AKAP17A: variants seen among roughly 807,000 people sequenced by gnomAD.
The protein encoded by AKAP17A is A-kinase anchor protein 17A.
Under a neutral mutation model 52.2 loss-of-function variants are expected in AKAP17A, and 15 were observed. The observed-to-expected ratio is 0.29, with a 90% CI of 0.19 to 0.44. The LOEUF is 0.44. AKAP17A is among the 20% of genes least tolerant of loss of function. The pLI is 1.00. For missense variants in AKAP17A, 1,060 were observed against 1,007.0 expected, an observed-to-expected ratio of 1.05 and a Z score of -0.71; for synonymous variants, 514 against 424.7, an observed-to-expected ratio of 1.21 and a Z score of -2.58.
intron 3 of AKAP17A, among the ~76,000 whole-genome samples, chrX:1,597,358 C>T (rs1166830998): frequency 2.6e-5 from 4 of 152,142 alleles, no homozygotes; most frequent in South Asian, 2.1e-4. Context: ...CCATGTCAGC[C>T]GTCAGGATTC....
intron 4 of AKAP17A, chrX:1,600,289 C>A: frequency 9.9e-7 from 1 of 1,008,232 alleles, no homozygotes; most frequent in Non-Finnish European, 1.4e-6. Flanking sequence ...GGCGTCATCT[C>A]AGCTCCCTGT....
At position 1,602,515 on chromosome X, in the gene AKAP17A, C is replaced by G. The variant is rs1476408503; in HGVS notation, c.*921C>G. The G allele has an allele frequency of 6.6e-6, 1 of 152,130 alleles. No homozygotes were observed. Among genetic ancestry groups the G allele is most frequent in the East Asian group, 1.9e-4 (1 of 5,200 alleles). The allele number at this position is 152,130 out of a possible 1,614,324, so 9.4% of individuals were successfully genotyped here. ...TGAAATAAAATCCTTTTCCAATGAA[C>G]TAAAATTTTTCACGCTTACGATTTT... On this transcript the variant is annotated 3_prime_UTR_variant, in exon 5 of 5. Transcript: ENST00000313871.
In AKAP17A at chrX:1,601,717, T is replaced by C; in HGVS notation, c.*123T>C. The C allele has an allele frequency of 1.1e-6, 1 of 923,688 alleles. No individual in the cohort carries two copies. The highest frequency in any genetic ancestry group is 1.5e-6 in the Non-Finnish European group (1 of 685,516). The allele number at this position is 923,688 out of a possible 1,614,324, so 57.2% of individuals were successfully genotyped here. ...GCCAAGACCCTTCTGCAGCCACGAA[T>C]GTCCACGGAGCCCGCCGGCAGGAAG... is the stretch of plus-strand genomic sequence containing the variant. On this transcript the variant is annotated 3_prime_UTR_variant, in exon 5 of 5. Coordinates refer to ENST00000313871, the MANE Select transcript of AKAP17A (RefSeq NM_005088.3).
rs370155757 is a variant in AKAP17A, at chrX:1,601,271, C to T, written c.1765C>T (p.Arg589Trp). ...CCGGGAGCCCAGCAAGGGCCGGGGC[C>T]GGGCCACCGGAGACGGGCTTGCTGA... Reference protein sequence around the residue: ...CNREPSKGRGRATGDGLADRH... With the variant: ...CNREPSKGRGWATGDGLADRH... The change falls in exon 5 of 5, where the codon CGG (arginine) becomes TGG (tryptophan). Residue 589 changes from arginine (R) to tryptophan (W), a missense_variant. Arg to Trp is a moderately radical substitution (Grantham distance 101). Transcript: ENST00000313871. 9.0e-5 allele frequency: 145 copies of T among 1,612,572 alleles called. No individual in the cohort carries two copies. The highest frequency in any genetic ancestry group is 1.2e-4 in the Admixed American group (7 of 59,974).
At chrX:1,598,284 G>C (rs1236377316) in intron 3 of AKAP17A, among the ~76,000 whole-genome samples, 8 of 152,132 alleles carry the variant, frequency 5.3e-5, no homozygotes, top group Admixed American at 5.2e-4. Flanking sequence ...CACTGTCTGG[G>C]CGTCGGCACC....
At chrX:1,600,493 C>T (rs1933298854) in intron 4 of AKAP17A, among the ~76,000 whole-genome samples, 166 bp from the exon 5 acceptor site, 1 of 152,106 alleles carries the variant, frequency 6.6e-6, no homozygotes, top group South Asian at 2.1e-4. Context: ...CGGGCTGGAC[C>T]TGGCTCGCCG....
Position 1,601,453 on chromosome X carries a change from C to T in AKAP17A, c.1947C>T (p.Ser649=), listed in dbSNP as rs1933377746. 6.4e-7 allele frequency: 1 copy of T among 1,573,696 alleles called. No homozygotes were observed. The highest frequency in any genetic ancestry group is 1.3e-5 in the African/African-American group (1 of 74,134). The change falls in exon 5 of 5, where the codon TCC becomes TCT. Residue 649 remains serine (S), a synonymous_variant. Transcript: ENST00000313871. The part of the protein sequence containing the change: ...TSPDHTRSRR[S]HSKDRHRRER... ...CGGACCACACCCGGTCCCGGAGGTC[C>T]CACAGCAAAGACAGGCACCGGAGGG...
chrX:1,600,516 C>G, intron 4 of AKAP17A, 143 bp from the exon 5 acceptor site: 1 of 878,346 alleles, frequency 1.1e-6, no homozygotes, highest in Non-Finnish European at 1.7e-6. Context: ...GGAGACGCCC[C>G]CCACCCCTGG....
chrX:1,600,769 G>A lies in AKAP17A; in HGVS notation c.1263G>A (p.Lys421=). 6.4e-7 allele frequency: 1 copy of A among 1,569,732 alleles called. No homozygotes were observed. The highest frequency in any genetic ancestry group is 8.6e-7 in the Non-Finnish European group (1 of 1,162,546). The change falls in exon 5 of 5, where the codon AAG becomes AAA. Residue 421 remains lysine (K), a synonymous_variant. Transcript: ENST00000313871. The part of the protein sequence containing the change: ...EAELRRVEEE[K]ERALGLQRKE... ...AGCTGCGGCGCGTGGAGGAGGAGAA[G>A]GAGCGCGCGCTGGGCCTGCAGCGGA...
At position 1,595,438 on chromosome X, in the gene AKAP17A, C is replaced by T; in HGVS notation, c.817C>T (p.Leu273=). ...LSDASIKKRQ[L]ERQKLQELEQ... ...TGATGCCTCAATTAAGAAGCGGCAG[C>T]TGGAGAGGCAGAAGCTTCAGGAACT... Residue 273 remains leucine, a synonymous_variant, in exon 3 of 5, where the codon CTG becomes TTG. Coordinates refer to ENST00000313871, the MANE Select transcript of AKAP17A (RefSeq NM_005088.3). The T allele has an allele frequency of 6.2e-7, 1 of 1,613,968 alleles. No homozygotes were observed. The highest frequency in any genetic ancestry group is 1.3e-5 in the African/African-American group (1 of 75,040).
At chrX:1,600,433 A>T (rs1933293448) in intron 4 of AKAP17A, 3 of 633,784 alleles carry the variant, frequency 4.7e-6, no homozygotes, top group Non-Finnish European at 8.1e-6. Flanking sequence ...TTTCCTTCTC[A>T]CTCAGACGCA....
rs1265624479 is a variant in AKAP17A, at chrX:1,595,515, G to A, written c.894G>A (p.Arg298=). Residue 298 remains arginine (R), a synonymous_variant, in exon 3 of 5, where the codon AGG becomes AGA. Transcript: ENST00000313871. ...GCAGAGAGAAGGAAGCGGAGGAGAG[G>A]CAGCGAGCGGAGGAAAGGTACCTTC... is the stretch of plus-strand genomic sequence containing the variant. ...QKRREKEAEE[R]QRAEERKQKE... 6.2e-7 allele frequency: 1 copy of A among 1,613,900 alleles called. No homozygotes were observed. Among genetic ancestry groups the A allele is most frequent in the South Asian group, 1.1e-5 (1 of 91,072 alleles).
rs770401094 is a variant in AKAP17A at position 1,601,164 on chromosome X, A to G, written c.1658A>G (p.Asn553Ser). 1 of 1,613,842 alleles carries G rather than the reference A, an allele frequency of 6.2e-7. No homozygotes were observed. The highest frequency in any genetic ancestry group is 1.3e-5 in the African/African-American group (1 of 75,038). ...GGCGTCCTCTCCTGCATTCCTGACA[A>G]CAACCAACAGCCCAAGGGCATCCCT... Reference protein sequence around the residue: ...PGGVLSCIPDNNQQPKGIPAC... With the variant: ...PGGVLSCIPDSNQQPKGIPAC... The change falls in exon 5 of 5, where the codon AAC (asparagine) becomes AGC (serine). Residue 553 changes from asparagine to serine, a missense_variant. Physicochemically the swap from Asn to Ser is conservative, Grantham distance 46 (BLOSUM62 1). Coordinates refer to ENST00000313871, the MANE Select transcript of AKAP17A (RefSeq NM_005088.3).
chrX:1,599,754 G>A (rs61538707), intron 4 of AKAP17A: 295,841 of 613,272 alleles, frequency 0.48, 73,418 homozygotes, highest in Middle Eastern at 0.62. Context: ...AGAGTGCAGG[G>A]GGCCGCTCCC....
Position 1,593,499 on chromosome X carries a change from G to A in AKAP17A, c.37G>A (p.Ala13Thr), listed in dbSNP as rs759695321. 6.2e-7 allele frequency: 1 copy of A among 1,613,700 alleles called. No individual in the cohort carries two copies. The highest frequency in any genetic ancestry group is 8.5e-7 in the Non-Finnish European group (1 of 1,179,852). ...AATIVHDTSE[A>T]VELCPAYGLY... Reference sequence around the variant, plus strand: ...TACCATCGTGCACGACACGTCTGAGGCCGTGGAGCTCTGCCCTGCTTACGG... The same window carrying A: ...TACCATCGTGCACGACACGTCTGAGACCGTGGAGCTCTGCCCTGCTTACGG... Residue 13 changes from alanine (A) to threonine (T), a missense_variant, in exon 2 of 5, where the codon GCC (alanine) becomes ACC (threonine). Ala to Thr is a moderately conservative substitution (Grantham distance 58). Coordinates refer to ENST00000313871, the MANE Select transcript of AKAP17A (RefSeq NM_005088.3).
rs199761030 is a variant in AKAP17A at position 1,599,177 on chromosome X, G to C, written c.912-15G>C. ...GCGGCGCTCTCTGTGACCACCCCCG[G>C]TGTGTTCCACACAGGAAACAAAAGG... On this transcript the variant is annotated splice_polypyrimidine_tract_variant and intron_variant, in intron 3 of 4. Transcript: ENST00000313871. 47 of 1,610,332 alleles carry C rather than the reference G, an allele frequency of 2.9e-5. No individual in the cohort carries two copies. Among genetic ancestry groups the C allele is most frequent in the East Asian group, 4.5e-5 (2 of 44,890 alleles).
chrX:1,599,100 C>A, intron 3 of AKAP17A, 92 bp from the exon 4 acceptor site: 3 of 1,537,920 alleles, frequency 2.0e-6, no homozygotes, highest in Admixed American at 2.0e-5. Context: ...TGGACCGTGG[C>A]CTGTTCCGCC....
intron 3 of AKAP17A, 28 bp from the exon 4 acceptor site, chrX:1,599,164 G>C (rs1158723919): frequency 3.7e-6 from 6 of 1,605,368 alleles, no homozygotes; most frequent in South Asian, 1.1e-5. Context: ...GGCGCTCTCT[G>C]TGACCACCCC....
chrX:1,599,123 C>G, intron 3 of AKAP17A, 69 bp from the exon 4 acceptor site: 1 of 1,567,934 alleles, frequency 6.4e-7, no homozygotes, highest in South Asian at 1.2e-5. Flanking sequence ...GTTTGGAAAG[C>G]CGCTTGTATG....
Sources: gnomAD v4.1 joint callset for allele counts (sites outside exome capture counted in the v4.1 genomes callset) on GRCh38, gnomAD v4.1.1 for gene constraint, MANE v1.5 for transcripts, NCBI Gene and HGNC (gene_info 2026-07-23, HGNC 2026-07-21) for gene names.